HSPA12A: variants seen among roughly 807,000 people sequenced by gnomAD.
The protein encoded by HSPA12A is heat shock 70 kDa protein 12A.
In HSPA12A, 28 loss-of-function variants were observed where a neutral mutation model predicts 69.2. The ratio of observed to expected loss-of-function variants is 0.40; its 90% CI spans 0.30 to 0.55. The LOEUF (loss-of-function observed/expected upper bound fraction) is 0.55, where lower values mean the gene tolerates loss of function less well. HSPA12A is among the 20% of genes least tolerant of loss of function. The pLI is 0.38. For missense variants in HSPA12A, 686 were observed against 900.7 expected (o/e 0.76, Z 3.05); for synonymous variants, 345 against 370.5 (o/e 0.93, Z 0.79).
intron 2 of HSPA12A, chr10:116,750,672 A>C (rs1554888246): frequency 5.4e-6 from 1 of 184,120 alleles, no homozygotes. Context: ...AAACCCAAGA[A>C]AGAAGTTTAA....
upstream of HSPA12A, chr10:116,849,831 C>T (rs575071818): frequency 4.7e-5 from 63 of 1,336,170 alleles, 1 homozygote; most frequent in African/African-American, 1.6e-4. Flanking sequence ...CAGAATCTCG[C>T]ATGCCAGCCG....
At chr10:116,839,552 A>G (rs951422104) in intron 1 of HSPA12A, among the ~76,000 whole-genome samples, 15 of 144,902 alleles carry the variant, frequency 1.0e-4, no homozygotes, top group African/African-American at 3.8e-4. Context: ...GATGCACTTT[A>G]GTAATCAACA....
At chr10:116,765,761 C>T (rs1243892249) in intron 2 of HSPA12A, among the ~76,000 whole-genome samples, 1 of 152,076 alleles carries the variant, frequency 6.6e-6, no homozygotes, top group East Asian at 1.9e-4. Context: ...GTGATGGCGC[C>T]CCCTAGGGAG....
rs782717575 is a variant in HSPA12A, at chr10:116,679,771, G to A, written c.1028-10C>T. The A allele has an allele frequency of 1.9e-6, 3 of 1,607,056 alleles. No homozygotes were observed. The highest frequency in any genetic ancestry group is 1.1e-5 in the South Asian group (1 of 90,480). The stretch of plus-strand genomic sequence containing the variant: ...GATCCATAGGGTCCGCCTGAATTGA[G>A]AACAAAAAGGGAGGCCATGGTGTTA... On this transcript the variant is annotated splice_polypyrimidine_tract_variant and intron_variant, in intron 9 of 11. Coordinates refer to ENST00000369209, the MANE Select transcript of HSPA12A (RefSeq NM_025015.3).
At chr10:116,728,905 C>A (rs7096380) in intron 1 of HSPA12A, among the ~76,000 whole-genome samples, 6 of 152,036 alleles carry the variant, frequency 3.9e-5, no homozygotes, top group Admixed American at 6.5e-5. Flanking sequence ...ATCCTCAAAC[C>A]ACCCCCTCCA....
At chr10:116,770,174 G>T (rs550221473) in intron 2 of HSPA12A, among the ~76,000 whole-genome samples, 1 of 152,322 alleles carries the variant, frequency 6.6e-6, no homozygotes, top group African/African-American at 2.4e-5. Context: ...CCAAGACTCA[G>T]AGAGGGCGGT....
rs1302595814 is a variant in HSPA12A at position 116,723,794 on chromosome 10, T to C, written c.41-16509A>G. 6.6e-6 allele frequency among the ~76,000 whole-genome samples: 1 copy of C among 152,154 alleles called. No individual in the cohort carries two copies. The highest frequency in any genetic ancestry group is 1.5e-5 in the Non-Finnish European group (1 of 68,020). ...GCAGTCAGCCTCTCCACCCGTTCCT[T>C]AGATCCCGGCTGCTTCCAGTACCGA... On this transcript the variant is annotated intron_variant, in intron 1 of 11. Coordinates refer to ENST00000369209, the MANE Select transcript of HSPA12A (RefSeq NM_025015.3). This position sits in a 1 kb window ranked among gnomAD's most constrained non-coding sequence, Gnocchi z 4.1.
chr10:116,797,214 G>C (rs75142518), intron 2 of HSPA12A, among the ~76,000 whole-genome samples: 2,319 of 152,222 alleles, frequency 0.015, 66 homozygotes, highest in African/African-American at 0.053. Context: ...TAATAGATAT[G>C]GGACATATCT....
At chr10:116,800,863 T>G (rs1305040610) in intron 2 of HSPA12A, among the ~76,000 whole-genome samples, 1 of 152,178 alleles carries the variant, frequency 6.6e-6, no homozygotes, top group African/African-American at 2.4e-5. Flanking sequence ...CTTGAAGCCT[T>G]GAAAAATTCT....
chr10:116,760,387 T>C (rs1044029499), intron 2 of HSPA12A, among the ~76,000 whole-genome samples: 6 of 152,068 alleles, frequency 3.9e-5, no homozygotes, highest in Non-Finnish European at 8.8e-5. Context: ...CACAGAGCCC[T>C]GGAGTTTAGA....
intron 1 of HSPA12A, among the ~76,000 whole-genome samples, chr10:116,727,932 G>T (rs4752007): frequency 1 from 149,230 of 149,918 alleles, 74,272 homozygotes; most frequent in Non-Finnish European, 1. Context: ...TAATTTTTTT[G>T]GGGGGGGGAC....
chr10:116,704,361 C>CA (rs1554882009), intron 3 of HSPA12A, among the ~76,000 whole-genome samples: 1 of 151,538 alleles, frequency 6.6e-6, no homozygotes, highest in African/African-American at 2.4e-5. Context: ...ATCGCAAGGA[C>CA]AAAAAACCAA....
At chr10:116,764,473 T>C (rs1255943512) in intron 2 of HSPA12A, among the ~76,000 whole-genome samples, 1 of 151,986 alleles carries the variant, frequency 6.6e-6, no homozygotes, top group African/African-American at 2.4e-5. Context: ...ACAAGCAAAA[T>C]ACAAAAGACT....
intron 2 of HSPA12A, among the ~76,000 whole-genome samples, chr10:116,774,096 G>A (rs890938832): frequency 2.6e-4 from 39 of 151,056 alleles, no homozygotes; most frequent in African/African-American, 8.0e-4. Context: ...TGCAAGCTCC[G>A]CCTCCCGGGT....
intron 6 of HSPA12A, among the ~76,000 whole-genome samples, chr10:116,684,433 G>A (rs1367815695): frequency 2.0e-5 from 3 of 152,120 alleles, no homozygotes; most frequent in Admixed American, 6.6e-5. Flanking sequence ...TGACCAAATC[G>A]GAGCAAACCC....
At chr10:116,849,787 G>C (rs1449717255), upstream of HSPA12A, 1 of 1,458,094 alleles carries the variant, frequency 6.9e-7, no homozygotes, top group African/African-American at 1.4e-5. Context: ...CCCGCCCCGC[G>C]CTGCGGCAAC....
At chr10:116,696,095 G>A (rs1366601909) in intron 5 of HSPA12A, among the ~76,000 whole-genome samples, 1 of 151,634 alleles carries the variant, frequency 6.6e-6, no homozygotes, top group African/African-American at 2.4e-5. Context: ...CTGCATTGAA[G>A]GCTCCATCTT....
Position 116,674,610 on chromosome 10 carries a change from A to C in HSPA12A, c.*171T>G. ...TCTTAATTTCTGTTTTTCTGACTCCAGTGTGCCCTCAAAAGTCACTAATTA... is the reference window on the plus strand; with the variant it reads ...TCTTAATTTCTGTTTTTCTGACTCCCGTGTGCCCTCAAAAGTCACTAATTA... On this transcript the variant is annotated 3_prime_UTR_variant, in exon 12 of 12. Transcript: ENST00000369209. 1.5e-6 allele frequency: 1 copy of C among 658,374 alleles called. No individual in the cohort carries two copies. The highest frequency in any genetic ancestry group is 2.6e-6 in the Non-Finnish European group (1 of 391,198). The allele number at this position is 658,374 out of a possible 1,614,324, so 40.8% of individuals were successfully genotyped here.
At chr10:116,701,706 G>A (rs545069525) in intron 3 of HSPA12A, among the ~76,000 whole-genome samples, 5 of 152,342 alleles carry the variant, frequency 3.3e-5, no homozygotes, top group African/African-American at 7.2e-5. Flanking sequence ...TGGGCCAGCC[G>A]GGGCATTCGT....
Sources: allele counts gnomAD v4.1 joint callset (sites outside exome capture counted in the v4.1 genomes callset), GRCh38; gene constraint gnomAD v4.1.1; non-coding constraint Gnocchi (gnomAD v3.1); transcripts MANE v1.5; gene names NCBI Gene and HGNC (gene_info 2026-07-23, HGNC 2026-07-21).